The following PLCB1 variants were observed in gnomAD, a reference collection of about 807,000 sequenced individuals.
PLCB1 encodes the protein phospholipase C beta 1.
A neutral mutation model predicts 161.8 loss-of-function variants in PLCB1; 46 were observed. The ratio of observed to expected loss-of-function variants is 0.28; its 90% CI spans 0.22 to 0.36. PLCB1 has a LOEUF of 0.36. Among genes scored for constraint, PLCB1 ranks in the 10% least tolerant of loss-of-function variants. The pLI is 1.00. For synonymous variants in PLCB1, 517 were observed against 503.7 expected (o/e 1.03, Z -0.35); for missense variants, 1,016 against 1,472.5 (o/e 0.69, Z 5.07).
intron 3 of PLCB1, among the ~76,000 whole-genome samples, chr20:8,381,422 T>C (rs1247512247): frequency 2.6e-5 from 4 of 152,218 alleles, no homozygotes; most frequent in Non-Finnish European, 5.9e-5. Flanking sequence ...GTTGTGTCTC[T>C]GCCAGGTTTT....
At chr20:8,718,889 T>G (rs1979478386) in intron 14 of PLCB1, among the ~76,000 whole-genome samples, 1 of 152,194 alleles carries the variant, frequency 6.6e-6, no homozygotes, top group African/African-American at 2.4e-5. Context: ...TTCTGGGCAT[T>G]TCAATTTTTT....
intron 3 of PLCB1, among the ~76,000 whole-genome samples, chr20:8,508,730 G>A (rs1983750087): frequency 6.6e-6 from 1 of 151,896 alleles, no homozygotes; most frequent in Admixed American, 6.6e-5. Context: ...AGAATGCAAT[G>A]ATTATTTAAA....
At chr20:8,686,602 TATTA>T (rs1990364773) in intron 10 of PLCB1, among the ~76,000 whole-genome samples, 1 of 152,232 alleles carries the variant, frequency 6.6e-6, no homozygotes, top group East Asian at 1.9e-4. Context: ...TTTCAGAGTA[TATTA>T]ATTTTTCCCT....
At chr20:8,169,343 AC>A (rs2051708509) in intron 2 of PLCB1, among the ~76,000 whole-genome samples, 1 of 152,188 alleles carries the variant, frequency 6.6e-6, no homozygotes, top group Admixed American at 6.5e-5. Context: ...TCTGAGGAAG[AC>A]ATTTAACTCA....
rs190167143 is a variant in PLCB1 at position 8,856,152 on chromosome 20, T to C, written c.3424-25470T>C. On this transcript the variant is annotated intron_variant, in intron 31 of 31. Transcript: ENST00000338037. The stretch of plus-strand genomic sequence containing the variant: ...TGCATGTATATATTCCTGTTTTTTA[T>C]ATTTACATGGTTATAGATATACATG... 6.2e-4 allele frequency among the ~76,000 whole-genome samples: 95 copies of C among 152,206 alleles called. 2 individuals are homozygous for C. In the East Asian group the frequency reaches 0.015, roughly 24 times the overall value.
At chr20:8,839,295 C>T (rs978830547) in intron 31 of PLCB1, among the ~76,000 whole-genome samples, 6 of 152,152 alleles carry the variant, frequency 3.9e-5, no homozygotes, top group South Asian at 2.1e-4. Flanking sequence ...TCAAAAAAGA[C>T]GGACAATGCC....
intron 23 of PLCB1, among the ~76,000 whole-genome samples, chr20:8,756,337 C>A (rs1385985109): frequency 6.6e-6 from 1 of 152,162 alleles, no homozygotes; most frequent in Non-Finnish European, 1.5e-5. Flanking sequence ...TGCCCAAAAT[C>A]ACACTGCTGG....
At chr20:8,233,526 A>AT (rs111713013) in intron 2 of PLCB1, among the ~76,000 whole-genome samples, 2 of 152,136 alleles carry the variant, frequency 1.3e-5, no homozygotes, top group Non-Finnish European at 2.9e-5. Flanking sequence ...TAAGTTGATT[A>AT]TTTTTTTCTT....
At chr20:8,202,982 C>T (rs1276558191) in intron 2 of PLCB1, among the ~76,000 whole-genome samples, 1 of 151,950 alleles carries the variant, frequency 6.6e-6, no homozygotes, top group Non-Finnish European at 1.5e-5. Flanking sequence ...TACTTTGCTT[C>T]TTTAGTGAAT....
intron 27 of PLCB1, among the ~76,000 whole-genome samples, chr20:8,779,885 AC>A (rs1983128109): frequency 6.6e-6 from 1 of 152,174 alleles, no homozygotes; most frequent in African/African-American, 2.4e-5. Flanking sequence ...TGTGGAAATC[AC>A]CCCTGTGGTT....
At chr20:8,495,723 A>G (rs1404988041) in intron 3 of PLCB1, among the ~76,000 whole-genome samples, 1 of 151,952 alleles carries the variant, frequency 6.6e-6, no homozygotes, top group Non-Finnish European at 1.5e-5. Context: ...TTAACCAATC[A>G]TGCCACTAGC....
At chr20:8,145,106 A>G (rs569417903) in intron 1 of PLCB1, among the ~76,000 whole-genome samples, 2 of 152,072 alleles carry the variant, frequency 1.3e-5, no homozygotes, top group Non-Finnish European at 2.9e-5. Flanking sequence ...CACAACGGAA[A>G]TTTATTTTCT....
At chr20:8,196,115 A>G (rs183706174) in intron 2 of PLCB1, among the ~76,000 whole-genome samples, 31 of 152,148 alleles carry the variant, frequency 2.0e-4, no homozygotes, top group African/African-American at 5.1e-4. Context: ...CCATCATTCA[A>G]TTGTCTCCAC....
intron 3 of PLCB1, among the ~76,000 whole-genome samples, chr20:8,585,513 A>C (rs1309222006): frequency 6.6e-6 from 1 of 152,234 alleles, no homozygotes; most frequent in African/African-American, 2.4e-5. Context: ...CTCCAATAAT[A>C]CTAAACAGCT....
intron 23 of PLCB1, among the ~76,000 whole-genome samples, chr20:8,743,618 C>A (rs533054588): frequency 6.6e-6 from 1 of 152,242 alleles, no homozygotes; most frequent in Middle Eastern, 3.4e-3. Context: ...ATGTGCTCAA[C>A]ATGTGCTCAA....
At chr20:8,237,606 A>G (rs946119102) in intron 2 of PLCB1, among the ~76,000 whole-genome samples, 4 of 152,154 alleles carry the variant, frequency 2.6e-5, no homozygotes, top group Admixed American at 6.6e-5. Context: ...TTCTAAAATC[A>G]GAAAGCAGAA....
intron 25 of PLCB1, among the ~76,000 whole-genome samples, chr20:8,760,698 A>G (rs557567875): frequency 6.6e-6 from 1 of 152,386 alleles, no homozygotes; most frequent in South Asian, 2.1e-4. Flanking sequence ...TAGTTTCACA[A>G]GATAGCTATT....
intron 16 of PLCB1, among the ~76,000 whole-genome samples, chr20:8,726,566 A>G (rs1351908621): frequency 6.6e-6 from 1 of 152,082 alleles, no homozygotes; most frequent in Non-Finnish European, 1.5e-5. Flanking sequence ...AGTACAGGCA[A>G]GGGAAATGCC....
chr20:8,409,031 G>A (rs757132720), intron 3 of PLCB1, among the ~76,000 whole-genome samples: 37 of 152,142 alleles, frequency 2.4e-4, no homozygotes, highest in African/African-American at 4.6e-4. Context: ...TAAACATTTC[G>A]TTTAGAAACA....
Sources: gnomAD v4.1 joint callset for allele counts (sites outside exome capture counted in the v4.1 genomes callset) on GRCh38, gnomAD v4.1.1 for gene constraint, MANE v1.5 for transcripts, NCBI Gene and HGNC (gene_info 2026-07-23, HGNC 2026-07-21) for gene names.